The following SEMA4B variants were observed in gnomAD, a reference collection of about 807,000 sequenced individuals.
The protein encoded by SEMA4B is semaphorin 4B, also known as semaphorin-4B.
In SEMA4B, 55 loss-of-function variants were observed where a neutral mutation model predicts 88.1. The observed-to-expected ratio is 0.62, with a 90% CI of 0.50 to 0.78. The LOEUF (loss-of-function observed/expected upper bound fraction) is 0.78. SEMA4B is among the 30% of genes least tolerant of loss of function. SEMA4B has a pLI of 0.00. For missense variants in SEMA4B, 1,062 were observed against 1,111.9 expected (o/e 0.96, Z 0.64); for synonymous variants, 525 against 473.6 (o/e 1.11, Z -1.41).
chr15:90,225,179 G>C lies in SEMA4B; in HGVS notation c.1405+1G>C. On this transcript the variant is annotated splice_donor_variant, in intron 10 of 13. Transcript: ENST00000411539. LOFTEE classifies it high-confidence loss of function. ...TACGATGTCCTCTTCCTGGGCACTG[G>C]TAAGTGTCTGCAGCCCAGCAGGCTC... 1 of 1,592,928 alleles carries C rather than the reference G, an allele frequency of 6.3e-7. No individual in the cohort carries two copies. The highest frequency in any genetic ancestry group is 8.5e-7 in the Non-Finnish European group (1 of 1,169,614).
chr15:90,228,794 CCAGT>C lies in SEMA4B; in HGVS notation c.*154_*157del. The C allele has an allele frequency of 9.6e-7, 1 of 1,039,242 alleles. No homozygotes were observed. Among genetic ancestry groups the C allele is most frequent in the Non-Finnish European group, 1.4e-6 (1 of 731,496 alleles). 64.4% of individuals were successfully genotyped at this position (1,039,242 alleles called of 1,614,324 possible). A position where few individuals can be genotyped will look rare whatever the true frequency, so the allele number is the denominator to read the frequency against. On this transcript the variant is annotated 3_prime_UTR_variant, in exon 14 of 14. Coordinates refer to ENST00000411539, the MANE Select transcript of SEMA4B (RefSeq NM_198925.4). Reference sequence around the variant, plus strand: ...TTGGGGCCAGCTGGCCTGCTGCTCTCCAGTCAAGTAGCGAAGCTCCTACCACCCA... The same window carrying C: ...TTGGGGCCAGCTGGCCTGCTGCTCTCCAAGTAGCGAAGCTCCTACCACCCA...
Position 90,219,846 on chromosome 15 carries a change from G to T in SEMA4B, c.438G>T (p.Leu146=). The part of the protein sequence containing the change: ...KILLPLSGSH[L]FTCGTAAFSP... ...TCCTGCCGCTCAGCGGCAGTCACCT[G>T]TTCACCTGTGGCACAGCAGCCTTCA... The change falls in exon 4 of 14, where the codon CTG becomes CTT. Residue 146 remains leucine, a synonymous_variant. Transcript: ENST00000411539. 1.2e-6 allele frequency: 2 copies of T among 1,613,662 alleles called. No homozygotes were observed. The highest frequency in any genetic ancestry group is 2.2e-5 in the East Asian group (1 of 44,890).
Position 90,201,453 on chromosome 15 carries a change from C to A in SEMA4B, c.-126C>A. 7.7e-7 allele frequency: 1 copy of A among 1,301,584 alleles called. No homozygotes were observed. Among genetic ancestry groups the A allele is most frequent in the Non-Finnish European group, 9.7e-7 (1 of 1,027,980 alleles). 80.6% of individuals were successfully genotyped at this position (1,301,584 alleles called of 1,614,324 possible). On this transcript the variant is annotated 5_prime_UTR_variant, in exon 1 of 14. Coordinates refer to ENST00000411539, the MANE Select transcript of SEMA4B (RefSeq NM_198925.4). ...TGACCCTGTTTCCCACCTCCCGCCC[C>A]CCAGGTCCGGAGGCGGGGGCCCCCG...
At chr15:90,208,730 A>G (rs1299400045) in intron 1 of SEMA4B, among the ~76,000 whole-genome samples, 2 of 149,234 alleles carry the variant, frequency 1.3e-5, no homozygotes, top group Non-Finnish European at 3.0e-5. Flanking sequence ...CACCTGTCAT[A>G]CTTAATTCTT....
At chr15:90,194,037 A>G (rs8041678) in intron 1 of SEMA4B, among the ~76,000 whole-genome samples, 8,442 of 151,782 alleles carry the variant, frequency 0.056, 708 homozygotes, top group African/African-American at 0.19. Context: ...TTTTTAGTAG[A>G]GACAGCGTTT....
chr15:90,213,032 C>T (rs181530635), intron 1 of SEMA4B, among the ~76,000 whole-genome samples: 7 of 152,258 alleles, frequency 4.6e-5, no homozygotes, highest in East Asian at 1.9e-4. Context: ...GAGTGTTGGT[C>T]GCGTGCCAGA....
rs878871763 is a variant in SEMA4B, at chr15:90,228,142, C to T, written c.2013C>T (p.Cys671=). 1 of 1,611,292 alleles carries T rather than the reference C, an allele frequency of 6.2e-7. No individual in the cohort carries two copies. The highest frequency in any genetic ancestry group is 1.1e-5 in the South Asian group (1 of 90,590). ...TCCAGCAGCTGGTAGCCAGCTACTG[C>T]CCAGAGGTGGTGGAGGACGGGGTGG... The part of the protein sequence containing the change: ...EGFQQLVASY[C]PEVVEDGVAD... Residue 671 remains cysteine, a synonymous_variant, in exon 14 of 14, where the codon TGC becomes TGT. Coordinates refer to ENST00000411539, the MANE Select transcript of SEMA4B (RefSeq NM_198925.4).
intron 1 of SEMA4B, among the ~76,000 whole-genome samples, chr15:90,203,684 T>C (rs1444956019): frequency 2.0e-5 from 3 of 152,228 alleles, no homozygotes; most frequent in Admixed American, 6.5e-5. Context: ...CTGTCAGGGC[T>C]GCCGTAGGTG....
At chr15:90,191,203 G>T (rs1318834951) in intron 1 of SEMA4B, among the ~76,000 whole-genome samples, 4 of 152,334 alleles carry the variant, frequency 2.6e-5, no homozygotes, top group South Asian at 2.1e-4. Flanking sequence ...ACAGGCCCCA[G>T]TGGGGGTGGT....
At chr15:90,207,454 C>T (rs1324101575) in intron 1 of SEMA4B, among the ~76,000 whole-genome samples, 2 of 152,184 alleles carry the variant, frequency 1.3e-5, no homozygotes, top group African/African-American at 2.4e-5. Flanking sequence ...CAAATAAAAG[C>T]GGCCATTGCG....
At position 90,217,746 on chromosome 15, in the gene SEMA4B, T is replaced by G. The variant is rs1369467663; in HGVS notation, c.322-21T>G. ...CAAACCCTCCATTTTGTCCACTACC[T>G]TCCCCTTTCTCATTCCCCAGCTGCT... On this transcript the variant is annotated intron_variant, in intron 2 of 13. Coordinates refer to ENST00000411539, the MANE Select transcript of SEMA4B (RefSeq NM_198925.4). The G allele has an allele frequency of 1.9e-6, 3 of 1,612,614 alleles. No individual in the cohort carries two copies. The Admixed American group carries it at 5.0e-5, about 27-fold the overall frequency.
At chr15:90,222,387 T>C (rs1961907498) in intron 7 of SEMA4B, among the ~76,000 whole-genome samples, 1 of 150,186 alleles carries the variant, frequency 6.7e-6, no homozygotes, top group Non-Finnish European at 1.5e-5. Context: ...CTGGCCAACA[T>C]GGTAAAACCC....
At chr15:90,214,235 T>C (rs1398918267) in intron 1 of SEMA4B, among the ~76,000 whole-genome samples, 1 of 151,784 alleles carries the variant, frequency 6.6e-6, no homozygotes, top group African/African-American at 2.4e-5. Context: ...TCCCAGCTTC[T>C]TGGGAGGCTG....
At position 90,226,670 on chromosome 15, in the gene SEMA4B, C is replaced by T. The variant is rs1296016007; in HGVS notation, c.1688+843C>T. On this transcript the variant is annotated intron_variant, in intron 12 of 13. Coordinates refer to ENST00000411539, the MANE Select transcript of SEMA4B (RefSeq NM_198925.4). Reference sequence around the variant, plus strand: ...ATTCATATATTTTATATAACATTGGCAACTGTCCTGTTTGTAGTGTTCTTG... The same window carrying T: ...ATTCATATATTTTATATAACATTGGTAACTGTCCTGTTTGTAGTGTTCTTG... Among the ~76,000 whole-genome samples the T allele has an allele frequency of 2.0e-5, 3 of 152,148 alleles. 1 individual carries two copies. The highest frequency in any genetic ancestry group is 7.2e-5 in the African/African-American group (3 of 41,438).
chr15:90,228,914 C>T lies in SEMA4B; in HGVS notation c.*271C>T, dbSNP rs1962354329. On this transcript the variant is annotated 3_prime_UTR_variant, in exon 14 of 14. Transcript: ENST00000411539. ...ACAGTGCTCCTTATGTAAACTGAGC[C>T]CTTTGTTTAAAAAACAATTCCAAAT... 20 of 555,466 alleles carry T rather than the reference C, an allele frequency of 3.6e-5. No homozygotes were observed. The South Asian group carries it at 4.3e-4, about 12-fold the overall frequency. 34.4% of individuals were successfully genotyped at this position (555,466 alleles called of 1,614,324 possible).
At position 90,223,658 on chromosome 15, in the gene SEMA4B, G is replaced by C. The variant is rs373510212; in HGVS notation, c.961G>C (p.Val321Leu). The change falls in exon 8 of 14, where the codon GTG becomes CTG. Residue 321 changes from valine to leucine, a missense_variant. Transcript: ENST00000411539. ...SRPDDGFPFN[V>L]LQDVFTLSPS... is the part of the protein sequence containing the mutation. ...GCCCGACGATGGCTTCCCCTTCAAC[G>C]TGCTGCAGGATGTCTTCACGCTGAG... is the stretch of plus-strand genomic sequence containing the variant. 1 of 1,613,518 alleles carries C rather than the reference G, an allele frequency of 6.2e-7. No individual in the cohort carries two copies. The highest frequency in any genetic ancestry group is 8.5e-7 in the Non-Finnish European group (1 of 1,179,742).
At chr15:90,218,877 C>G (rs1309018331) in intron 3 of SEMA4B, among the ~76,000 whole-genome samples, 4 of 151,988 alleles carry the variant, frequency 2.6e-5, no homozygotes, top group Admixed American at 6.6e-5. Flanking sequence ...ATGAGGTGGT[C>G]AGGTAACATT....
chr15:90,199,228 G>C (rs190180932), upstream of SEMA4B, among the ~76,000 whole-genome samples: 182 of 152,246 alleles, frequency 1.2e-3, no homozygotes, highest in African/African-American at 4.2e-3. Flanking sequence ...AGATTGTAGG[G>C]GAACCAAGGA....
upstream of SEMA4B, among the ~76,000 whole-genome samples, chr15:90,200,430 C>T (rs1026456183): frequency 6.6e-6 from 1 of 152,210 alleles, no homozygotes; most frequent in African/African-American, 2.4e-5. Context: ...CCCAAAATTA[C>T]TTATCCTTTG....
Sources: allele counts gnomAD v4.1 joint callset (sites outside exome capture counted in the v4.1 genomes callset), GRCh38; gene constraint gnomAD v4.1.1; transcripts MANE v1.5; gene names NCBI Gene and HGNC (gene_info 2026-07-23, HGNC 2026-07-21).